The following SKIC3 variants were observed in gnomAD, a reference collection of about 807,000 sequenced individuals.
SKIC3 encodes SKI3 subunit of superkiller complex.
the SKIC3 span, among the ~76,000 whole-genome samples, chr5:95,493,283 G>C: frequency 9.2e-5 from 14 of 152,170 alleles, no homozygotes; most frequent in African/African-American, 3.4e-4. Flanking sequence ...CACTGTTTTA[G>C]CATCTTATGG....
At chr5:95,495,804 C>T in the SKIC3 span, among the ~76,000 whole-genome samples, 1 of 152,290 alleles carries the variant, frequency 6.6e-6, no homozygotes, top group Non-Finnish European at 1.5e-5. Flanking sequence ...TTAGAAGCTG[C>T]ATTTTCACAA....
the SKIC3 span, chr5:95,513,210 C>G: frequency 8.9e-6 from 2 of 225,050 alleles, no homozygotes; most frequent in African/African-American, 2.3e-5. Context: ...TATTCATTTT[C>G]TTTTTCCTTT....
chr5:95,544,594 C>T, the SKIC3 span, among the ~76,000 whole-genome samples: 1 of 152,124 alleles, frequency 6.6e-6, no homozygotes, highest in African/African-American at 2.4e-5. Flanking sequence ...TAACAAACCA[C>T]AACAATGATG....
At chr5:95,502,885 A>G in the SKIC3 span, 1 of 1,613,608 alleles carries the variant, frequency 6.2e-7, no homozygotes, top group Admixed American at 1.7e-5. Flanking sequence ...CATACCATTT[A>G]AATAGCAATG....
the SKIC3 span, among the ~76,000 whole-genome samples, chr5:95,553,404 C>T: frequency 6.6e-6 from 1 of 152,284 alleles, no homozygotes; most frequent in Non-Finnish European, 1.5e-5. Context: ...GTAGAAAATA[C>T]GTTCTACATT....
chr5:95,470,229 C>T, the SKIC3 span, among the ~76,000 whole-genome samples: 47 of 152,208 alleles, frequency 3.1e-4, no homozygotes, highest in Admixed American at 8.5e-4. Context: ...CCGCCCACCT[C>T]GGCCTCCCAA....
At chr5:95,516,937 C>T in the SKIC3 span, 3 of 1,609,104 alleles carry the variant, frequency 1.9e-6, no homozygotes, top group Non-Finnish European at 2.5e-6. Context: ...TCTCCAGCAA[C>T]TCCTTAAGAT....
At chr5:95,545,906 A>C in the SKIC3 span, among the ~76,000 whole-genome samples, 1 of 151,988 alleles carries the variant, frequency 6.6e-6, no homozygotes, top group Non-Finnish European at 1.5e-5. Context: ...CACCCATCCA[A>C]AATCTGAATT....
the SKIC3 span, among the ~76,000 whole-genome samples, chr5:95,539,619 G>A: frequency 6.6e-6 from 1 of 152,084 alleles, no homozygotes; most frequent in Non-Finnish European, 1.5e-5. Flanking sequence ...TGAAGTGGGC[G>A]GGTCACTTGA....
chr5:95,495,268 T>C, the SKIC3 span: 7 of 458,022 alleles, frequency 1.5e-5, no homozygotes, highest in Admixed American at 3.8e-5. Context: ...TCAAAAGTTA[T>C]ATAATTTTAC....
At chr5:95,538,501 G>T in the SKIC3 span, among the ~76,000 whole-genome samples, 1 of 151,992 alleles carries the variant, frequency 6.6e-6, no homozygotes, top group South Asian at 2.1e-4. Flanking sequence ...ATGAACAAAT[G>T]AACACAAAGA....
chr5:95,491,098 T>G, the SKIC3 span: 8 of 1,601,028 alleles, frequency 5.0e-6, no homozygotes, highest in South Asian at 9.0e-5. Flanking sequence ...TTAAAAACTA[T>G]CAAAAATGAG....
the SKIC3 span, among the ~76,000 whole-genome samples, chr5:95,504,658 T>G: frequency 6.6e-6 from 1 of 151,856 alleles, no homozygotes; most frequent in Non-Finnish European, 1.5e-5. Context: ...TTGGAGGGCA[T>G]ACAGATACAC....
chr5:95,528,121 A>C, the SKIC3 span: 6 of 1,613,884 alleles, frequency 3.7e-6, no homozygotes, highest in Middle Eastern at 5.0e-4. Context: ...GACTGTTACC[A>C]GACGCACCAA....
chr5:95,489,017 C>A, the SKIC3 span, among the ~76,000 whole-genome samples: 3 of 152,088 alleles, frequency 2.0e-5, no homozygotes, highest in African/African-American at 7.2e-5. Context: ...ACTAGTCTCA[C>A]CTATCACAAC....
the SKIC3 span, chr5:95,498,548 A>C: frequency 6.2e-7 from 1 of 1,614,192 alleles, no homozygotes; most frequent in Non-Finnish European, 8.5e-7. Flanking sequence ...CCTAGAGCAC[A>C]CAGGGCTTGA....
chr5:95,525,041 G>A, the SKIC3 span, among the ~76,000 whole-genome samples: 10 of 151,946 alleles, frequency 6.6e-5, no homozygotes, highest in East Asian at 1.9e-4. Context: ...GTGCCACCAC[G>A]CCCAGCTACT....
the SKIC3 span, among the ~76,000 whole-genome samples, chr5:95,553,561 G>T: frequency 0.083 from 12,521 of 151,572 alleles, 642 homozygotes; most frequent in African/African-American, 0.14. Context: ...GGGTTTTTTT[G>T]TTTTTGTTTT....
the SKIC3 span, among the ~76,000 whole-genome samples, chr5:95,485,808 T>A: frequency 2.0e-5 from 3 of 152,264 alleles, no homozygotes; most frequent in African/African-American, 7.2e-5. Context: ...AAATAGCAAG[T>A]AGATAATCAC....
Sources: allele counts gnomAD v4.1 joint callset (sites outside exome capture counted in the v4.1 genomes callset), GRCh38; gene constraint gnomAD v4.1.1; transcripts MANE v1.5; gene names NCBI Gene and HGNC (gene_info 2026-07-23, HGNC 2026-07-21).